The following NOS3 variants were observed in gnomAD, a reference collection of about 807,000 sequenced individuals.
The protein encoded by NOS3 is NOS type III.
A neutral mutation model predicts 144.9 loss-of-function variants in NOS3; 98 were observed. The ratio of observed to expected loss-of-function variants is 0.68; its 90% CI spans 0.57 to 0.80. The LOEUF is 0.80. NOS3 is among the 30% of genes least tolerant of loss of function. The pLI, the probability that NOS3 is intolerant of heterozygous loss-of-function variation, is 0.00. For missense variants in NOS3, 1,465 were observed against 1,656.4 expected (o/e 0.88, Z 2.01); for synonymous variants, 714 against 702.4 (o/e 1.02, Z -0.26).
In NOS3 at chr7:151,012,454, C is replaced by T. The variant is rs867331282; in HGVS notation, c.3088C>T (p.His1030Tyr). 1.2e-6 allele frequency: 2 copies of T among 1,611,692 alleles called. No homozygotes were observed. Among genetic ancestry groups the T allele is most frequent in the African/African-American group, 1.3e-5 (1 of 74,880 alleles). The change falls in exon 24 of 27, where the codon CAT becomes TAT. Residue 1030 changes from histidine (H) to tyrosine (Y), a missense_variant. Physicochemically the swap from His to Tyr is moderately conservative, Grantham distance 83 (BLOSUM62 2). Transcript: ENST00000297494. The part of the protein sequence containing the change: ...PFRGFWQERL[H>Y]DIESKGLQPT... ...CCGGGGATTCTGGCAGGAGCGGCTG[C>T]ATGACATTGAGAGCAAAGGTGAGGC... is the stretch of plus-strand genomic sequence containing the variant.
In NOS3 at chr7:151,013,270, G is replaced by C. The variant is rs1474354751; in HGVS notation, c.3146G>C (p.Arg1049Pro). Residue 1049 changes from arginine (R) to proline (P), a missense_variant, in exon 25 of 27, where the codon CGA (arginine) becomes CCA (proline). Coordinates refer to ENST00000297494, the MANE Select transcript of NOS3 (RefSeq NM_000603.5). ...PTPMTLVFGC[R>P]CSQLDHLYRD... ...CCCATGACTTTGGTGTTCGGCTGCC[G>C]ATGCTCCCAACTTGACCATCTCTAC... 3 of 1,613,828 alleles carry C rather than the reference G, an allele frequency of 1.9e-6. No homozygotes were observed. The highest frequency in any genetic ancestry group is 2.5e-6 in the Non-Finnish European group (3 of 1,179,980).
intron 4 of NOS3, 70 bp downstream of exon 4, chr7:150,996,622 C>A: frequency 6.6e-7 from 1 of 1,519,888 alleles, no homozygotes; most frequent in Non-Finnish European, 8.9e-7. Flanking sequence ...GACGACCTTC[C>A]CATGACCCCC....
chr7:151,013,970 C>G (rs373107349), intron 26 of NOS3, 38 bp from the exon 27 acceptor site: 3 of 1,607,056 alleles, frequency 1.9e-6, no homozygotes, highest in Non-Finnish European at 1.7e-6. Context: ...CTAAGGTCTC[C>G]GAGTCGGGTT....
At position 151,012,396 on chromosome 7, in the gene NOS3, C is replaced by G; in HGVS notation, c.3030C>G (p.Ile1010Met). The change falls in exon 24 of 27, where the codon ATC (isoleucine) becomes ATG (methionine). Residue 1010 changes from isoleucine (I) to methionine (M), a missense_variant. This residue lies in a region of NOS3 where 106 missense variants were observed against 167.7 expected (regional missense o/e 0.63). Coordinates refer to ENST00000297494, the MANE Select transcript of NOS3 (RefSeq NM_000603.5). ...RLPPDPSLPC[I>M]LVGPGTGIAP... Reference sequence around the variant, plus strand: ...CACCCGATCCCAGCTTGCCCTGCATCCTGGTGGGTCCAGGCACTGGCATTG... The same window carrying G: ...CACCCGATCCCAGCTTGCCCTGCATGCTGGTGGGTCCAGGCACTGGCATTG... 1 of 1,599,278 alleles carries G rather than the reference C, an allele frequency of 6.3e-7. No homozygotes were observed. The highest frequency in any genetic ancestry group is 8.5e-7 in the Non-Finnish European group (1 of 1,173,834).
rs1802302713 is a variant in NOS3, at chr7:150,993,672, G to A, written c.-51-81G>A. 1 of 873,228 alleles carries A rather than the reference G, an allele frequency of 1.1e-6. No homozygotes were observed. Among genetic ancestry groups the A allele is most frequent in the Admixed American group, 3.1e-5 (1 of 32,760 alleles). The allele number at this position is 873,228 out of a possible 1,614,324, so 54.1% of individuals were successfully genotyped here. ...GGCTTGTTCCTGTCCCATTGTGTAT[G>A]GGATAGGGGCGGGGCGAGGGCCAGC... On this transcript the variant is annotated intron_variant, in intron 1 of 26. Transcript: ENST00000297494. This position sits in a 1 kb window ranked among gnomAD's most constrained non-coding sequence, Gnocchi z 4.0.
chr7:151,009,742 C>T (rs912935540), intron 20 of NOS3, among the ~76,000 whole-genome samples, 157 bp downstream of exon 20: 18 of 152,148 alleles, frequency 1.2e-4, no homozygotes, highest in Admixed American at 6.5e-5. Context: ...TGCCCACTGC[C>T]GGGCTGGCCT....
chr7:150,999,373 C>T lies in NOS3; in HGVS notation c.1131+9C>T, dbSNP rs144439682. On this transcript the variant is annotated intron_variant, in intron 9 of 26. Transcript: ENST00000297494. ...GCTACAACATCCTGGAGGTGAGGTG[C>T]GGGATGGGGCTCGGGCACCGAATGC... The T allele has an allele frequency of 3.3e-5, 52 of 1,555,622 alleles. No individual in the cohort carries two copies. In the African/African-American group the frequency reaches 4.0e-4, roughly 12 times the overall value.
At chr7:151,011,336 C>T (rs1244100035) in intron 23 of NOS3, among the ~76,000 whole-genome samples, 1 of 146,602 alleles carries the variant, frequency 6.8e-6, no homozygotes, top group African/African-American at 2.5e-5. Flanking sequence ...TCACTCAATC[C>T]AGGGAGAACT....
At position 150,996,862 on chromosome 7, in the gene NOS3, G is replaced by T; in HGVS notation, c.519G>T (p.Gly173=). 1 of 1,595,054 alleles carries T rather than the reference G, an allele frequency of 6.3e-7. No homozygotes were observed. The highest frequency in any genetic ancestry group is 2.3e-5 in the East Asian group (1 of 44,146). ...YQLRESELVF[G]AKQAWRNAPR... is the part of the protein sequence containing the mutation. ...TTAGGGAGAGCGAGCTGGTGTTCGG[G>T]GCTAAGCAGGCCTGGCGCAACGCTC... The change falls in exon 5 of 27, where the codon GGG becomes GGT. Residue 173 remains glycine, a synonymous_variant. Coordinates refer to ENST00000297494, the MANE Select transcript of NOS3 (RefSeq NM_000603.5).
rs568375533 is a variant in NOS3, at chr7:151,010,641, G to A, written c.2730G>A (p.Thr910=). 1.5e-5 allele frequency: 24 copies of A among 1,605,594 alleles called. No homozygotes were observed. The highest frequency in any genetic ancestry group is 1.3e-4 in the South Asian group (12 of 89,392). Residue 910 remains threonine, a synonymous_variant, in exon 22 of 27, where the codon ACG becomes ACA. Transcript: ENST00000297494. The stretch of plus-strand genomic sequence containing the variant: ...AGTGGAAGTGGTTCCGCTGCCCCAC[G>A]CTGCTGGAGGTGCTGGAGCAGTTCC... The part of the protein sequence containing the change: ...YEEWKWFRCP[T]LLEVLEQFPS...
rs1064353 is a variant in NOS3, at chr7:151,012,396, C to T, written c.3030C>T (p.Ile1010=). Residue 1010 remains isoleucine, a synonymous_variant, in exon 24 of 27, where the codon ATC becomes ATT. Transcript: ENST00000297494. ...CACCCGATCCCAGCTTGCCCTGCATCCTGGTGGGTCCAGGCACTGGCATTG... is the reference window on the plus strand; with the variant it reads ...CACCCGATCCCAGCTTGCCCTGCATTCTGGTGGGTCCAGGCACTGGCATTG... The part of the protein sequence containing the change: ...RLPPDPSLPC[I]LVGPGTGIAP... 6.3e-7 allele frequency: 1 copy of T among 1,599,278 alleles called. No homozygotes were observed. The highest frequency in any genetic ancestry group is 2.2e-5 in the East Asian group (1 of 44,494).
In NOS3 at chr7:150,996,781, C is replaced by A; in HGVS notation, c.438C>A (p.His146Gln). 1 of 1,611,726 alleles carries A rather than the reference C, an allele frequency of 6.2e-7. No individual in the cohort carries two copies. The highest frequency in any genetic ancestry group is 1.1e-5 in the South Asian group (1 of 90,942). ...TCCCCAGGAGCGGCTCCCAGGCCCA[C>A]GAACAGCGGCTTCAAGAGGTGGAAG... ...SSIKRSGSQAHEQRLQEVEAE... is the reference protein window; with the variant it reads ...SSIKRSGSQAQEQRLQEVEAE... Residue 146 changes from histidine (H) to glutamine (Q), a missense_variant, in exon 5 of 27, where the codon CAC (histidine) becomes CAA (glutamine). Around this residue, in one of 5 missense-constraint regions of NOS3, gnomAD observed 374 missense variants for 377.0 expected, o/e 0.99. Coordinates refer to ENST00000297494, the MANE Select transcript of NOS3 (RefSeq NM_000603.5).
In NOS3 at chr7:150,996,468, G is replaced by C. The variant is rs3918166; in HGVS notation, c.335G>C (p.Arg112Pro). Residue 112 changes from arginine to proline, a missense_variant, in exon 4 of 27, where the codon CGG becomes CCG. Around this residue, in one of 5 missense-constraint regions of NOS3, gnomAD observed 374 missense variants for 377.0 expected, o/e 0.99. Coordinates refer to ENST00000297494, the MANE Select transcript of NOS3 (RefSeq NM_000603.5). ...SLVFPRKLQG[R>P]PSPGPPAPEQ... Reference sequence around the variant, plus strand: ...GTATTTCCACGGAAACTACAGGGCCGGCCCTCCCCCGGCCCCCCGGCCCCT... The same window carrying C: ...GTATTTCCACGGAAACTACAGGGCCCGCCCTCCCCCGGCCCCCCGGCCCCT... The C allele has an allele frequency of 1.2e-5, 19 of 1,590,188 alleles. No individual in the cohort carries two copies. In the Admixed American group the frequency reaches 3.3e-4, roughly 28 times the overall value.
At position 151,009,483 on chromosome 7, in the gene NOS3, C is replaced by T; in HGVS notation, c.2410C>T (p.Pro804Ser). Residue 804 changes from proline to serine, a missense_variant, in exon 20 of 27, where the codon CCC becomes TCC. Transcript: ENST00000297494. ...GGGGGACCACATAGGTGTCTGCCCG[C>T]CCAACCGGCCCGGCCTTGTGGAGGC... The part of the protein sequence containing the change: ...QPGDHIGVCP[P>S]NRPGLVEALL... 2 of 1,548,432 alleles carry T rather than the reference C, an allele frequency of 1.3e-6. No individual in the cohort carries two copies. The highest frequency in any genetic ancestry group is 1.7e-6 in the Non-Finnish European group (2 of 1,146,708).
chr7:151,008,409 C>A (rs1795238744), intron 17 of NOS3, among the ~76,000 whole-genome samples: 1 of 152,240 alleles, frequency 6.6e-6, no homozygotes, highest in African/African-American at 2.4e-5. Context: ...GATCCACACC[C>A]TCCCAGGGAT....
At chr7:151,001,521 C>T (rs748999294) in intron 11 of NOS3, 23 bp from the exon 12 acceptor site, 1 of 1,612,918 alleles carries the variant, frequency 6.2e-7, no homozygotes, top group Non-Finnish European at 8.5e-7. Context: ...ACCTCCCCTC[C>T]CAACCCCATC....
Position 151,003,732 on chromosome 7 carries a change from C to CG in NOS3, c.1752+1429dup, listed in dbSNP as rs1197357434. On this transcript the variant is annotated intron_variant, in intron 14 of 26. Coordinates refer to ENST00000297494, the MANE Select transcript of NOS3 (RefSeq NM_000603.5). This position sits in a 1 kb window ranked among gnomAD's most constrained non-coding sequence, Gnocchi z 4.1. The stretch of plus-strand genomic sequence containing the variant: ...CTAGAACGGCACCTAGATGGAAGCA[C>CG]GCAGTGTTGCGGCGTCTCCTGCTGA... 6.2e-6 allele frequency: 3 copies of CG among 485,740 alleles called. No individual in the cohort carries two copies. The highest frequency in any genetic ancestry group is 6.0e-5 in the African/African-American group (3 of 50,166). 30.1% of individuals were successfully genotyped at this position (485,740 alleles called of 1,614,324 possible). A position where few individuals can be genotyped will look rare whatever the true frequency, so the allele number is the denominator to read the frequency against.
At position 150,993,641 on chromosome 7, in the gene NOS3, C is replaced by CA; in HGVS notation, c.-51-111dup. The CA allele has an allele frequency of 1.5e-6, 1 of 679,568 alleles. No individual in the cohort carries two copies. Among genetic ancestry groups the CA allele is most frequent in the Non-Finnish European group, 2.4e-6 (1 of 419,260 alleles). The allele number at this position is 679,568 out of a possible 1,614,324, so 42.1% of individuals were successfully genotyped here. ...GTGGAGCTGAGGCTTTAGAGCCTCC[C>CA]AGCCGGGCTTGTTCCTGTCCCATTG... On this transcript the variant is annotated intron_variant, in intron 1 of 26. Coordinates refer to ENST00000297494, the MANE Select transcript of NOS3 (RefSeq NM_000603.5). This position sits in a 1 kb window ranked among gnomAD's most constrained non-coding sequence, Gnocchi z 4.0.
intron 23 of NOS3, chr7:151,011,776 C>G (rs1034010623): frequency 2.5e-6 from 1 of 406,854 alleles, no homozygotes; most frequent in African/African-American, 2.1e-5. Context: ...CTCCCACCTC[C>G]GCCTCCCAAA....
Sources: allele counts gnomAD v4.1 joint callset (sites outside exome capture counted in the v4.1 genomes callset), GRCh38; gene constraint gnomAD v4.1.1; regional missense constraint gnomAD v4.1.1; non-coding constraint Gnocchi (gnomAD v3.1); transcripts MANE v1.5; gene names NCBI Gene and HGNC (gene_info 2026-07-23, HGNC 2026-07-21).